The following ASNS variants were observed in gnomAD, a reference collection of about 807,000 sequenced individuals.
ASNS encodes asparagine synthetase (glutamine-hydrolyzing), also known as asparagine synthetase [glutamine-hydrolyzing].
Under a neutral mutation model 62.6 loss-of-function variants are expected in ASNS, and 37 were observed. That is an observed-to-expected ratio of 0.59 (90% CI 0.45 to 0.78). The LOEUF is 0.78. Among genes scored for constraint, ASNS ranks in the 30% least tolerant of loss-of-function variants. The pLI is 0.00. For synonymous variants in ASNS, 207 were observed against 237.9 expected, an observed-to-expected ratio of 0.87 and a Z score of 1.19; for missense variants, 520 against 682.4, an observed-to-expected ratio of 0.76 and a Z score of 2.65.
the ASNS span, among the ~76,000 whole-genome samples, chr7:97,909,357 G>A: frequency 1.8e-3 from 219 of 121,264 alleles, no homozygotes; most frequent in Middle Eastern, 0.017. Flanking sequence ...AGGCTGGAAT[G>A]CTGTGCAGTG....
the ASNS span, among the ~76,000 whole-genome samples, chr7:97,897,114 C>T: frequency 3.3e-5 from 5 of 152,040 alleles, no homozygotes; most frequent in South Asian, 2.1e-4. Context: ...AAGATTGTAT[C>T]GCTAACACTT....
the ASNS span, among the ~76,000 whole-genome samples, chr7:97,894,954 T>C: frequency 8.6e-4 from 131 of 151,890 alleles, 4 homozygotes; most frequent in East Asian, 0.023. Context: ...CTAATGAACA[T>C]AGATGGTAAA....
chr7:97,872,554 C>T (rs190517851), upstream of ASNS: 1,039 of 152,482 alleles, frequency 6.8e-3, 5 homozygotes, highest in South Asian at 0.013. Flanking sequence ...AGTGGGGCGG[C>T]GGAAGGGCGC....
At chr7:97,897,787 A>G in the ASNS span, among the ~76,000 whole-genome samples, 134 of 152,374 alleles carry the variant, frequency 8.8e-4, 1 homozygote, top group East Asian at 0.022. Context: ...CAGTGTATCA[A>G]CGGGATATCT....
intron 12 of ASNS, 112 bp downstream of exon 12, chr7:97,852,948 T>G: frequency 9.7e-7 from 1 of 1,029,566 alleles, no homozygotes; most frequent in South Asian, 1.9e-5. Flanking sequence ...TAAATACATG[T>G]ATCATTCAAA....
At chr7:97,925,248 A>G in the ASNS span, among the ~76,000 whole-genome samples, 1 of 152,172 alleles carries the variant, frequency 6.6e-6, no homozygotes, top group African/African-American at 2.4e-5. Flanking sequence ...ATTTATCTCC[A>G]TTTTATAGAT....
chr7:97,900,125 C>G, the ASNS span, among the ~76,000 whole-genome samples: 1 of 152,018 alleles, frequency 6.6e-6, no homozygotes, highest in Non-Finnish European at 1.5e-5. Context: ...TTTGGGAGAC[C>G]GAGGCAGGTG....
the ASNS span, among the ~76,000 whole-genome samples, chr7:97,883,220 A>AT: frequency 1.3e-5 from 2 of 151,952 alleles, no homozygotes; most frequent in African/African-American, 4.8e-5. Context: ...AGGGCAAAAA[A>AT]AAAATTCATA....
the ASNS span, among the ~76,000 whole-genome samples, chr7:97,913,292 C>T: frequency 6.6e-6 from 1 of 152,218 alleles, no homozygotes; most frequent in Non-Finnish European, 1.5e-5. Context: ...CACCTCCTGT[C>T]TGGGATCTCC....
the ASNS span, among the ~76,000 whole-genome samples, chr7:97,913,837 T>C: frequency 2.3e-4 from 34 of 151,050 alleles, no homozygotes; most frequent in African/African-American, 2.9e-4. Flanking sequence ...GGTGGATAGA[T>C]TGGTGGATGG....
intron 1 of ASNS, among the ~76,000 whole-genome samples, chr7:97,871,274 T>G (rs180823309): frequency 9.3e-4 from 141 of 152,330 alleles, no homozygotes; most frequent in African/African-American, 3.2e-3. Context: ...CAGTTAGGAC[T>G]AGCCAGCACT....
chr7:97,873,568 T>C (rs566995767), upstream of ASNS, among the ~76,000 whole-genome samples: 121 of 152,372 alleles, frequency 7.9e-4, no homozygotes, highest in Non-Finnish European at 1.4e-3. Flanking sequence ...TGTATCCTAA[T>C]TGACGTACTT....
the ASNS span, among the ~76,000 whole-genome samples, chr7:97,915,581 C>A: frequency 1.3e-5 from 2 of 151,810 alleles, no homozygotes; most frequent in East Asian, 1.9e-4. Flanking sequence ...CAGAGAGGCA[C>A]CTGGTGTCAT....
the ASNS span, among the ~76,000 whole-genome samples, chr7:97,922,271 T>C: frequency 6.6e-6 from 1 of 151,148 alleles, no homozygotes; most frequent in Admixed American, 6.6e-5. Context: ...GAGGCCGAGG[T>C]GGGAGGATTG....
chr7:97,926,477 C>A, the ASNS span, among the ~76,000 whole-genome samples: 2 of 152,164 alleles, frequency 1.3e-5, no homozygotes, highest in Non-Finnish European at 2.9e-5. Flanking sequence ...AGGCTCTCCT[C>A]CTCAAAGAAA....
chr7:97,855,367 T>C lies in ASNS; in HGVS notation c.1123A>G (p.Ile375Val), dbSNP rs766097318. 2.7e-5 allele frequency: 43 copies of C among 1,611,258 alleles called. No individual in the cohort carries two copies. Among genetic ancestry groups the C allele is most frequent in the Middle Eastern group, 1.7e-4 (1 of 6,020 alleles). Residue 375 changes from isoleucine to valine, a missense_variant, in exon 9 of 13, where the codon ATA (isoleucine) becomes GTA (valine). Transcript: ENST00000394308. ...EGSDELTQGY[I>V]YFHKAPSPEK... Reference sequence around the variant, plus strand: ...AGAGTGGTTACCTTGTGAAAATATATGTAACCCTGCGTAAGTTCATCTGAT... The same window carrying C: ...AGAGTGGTTACCTTGTGAAAATATACGTAACCCTGCGTAAGTTCATCTGAT...
upstream of ASNS, among the ~76,000 whole-genome samples, chr7:97,876,023 A>C (rs1410098013): frequency 6.6e-6 from 1 of 151,974 alleles, no homozygotes; most frequent in Non-Finnish European, 1.5e-5. Context: ...CGCCTGGCTA[A>C]GTTTTGTATT....
chr7:97,869,205 AAAAAT>A, intron 2 of ASNS, 26 bp from the exon 3 acceptor site: 1 of 1,597,656 alleles, frequency 6.3e-7, no homozygotes, highest in South Asian at 1.1e-5. Flanking sequence ...CAGACAAATC[AAAAAT>A]ATTCAATATC....
At chr7:97,888,542 G>A in the ASNS span, among the ~76,000 whole-genome samples, 2 of 152,086 alleles carry the variant, frequency 1.3e-5, no homozygotes, top group Non-Finnish European at 2.9e-5. Flanking sequence ...CTACGACAGA[G>A]GTTATCTAGA....
Sources: gnomAD v4.1 joint callset for allele counts (sites outside exome capture counted in the v4.1 genomes callset) on GRCh38, gnomAD v4.1.1 for gene constraint, MANE v1.5 for transcripts, NCBI Gene and HGNC (gene_info 2026-07-23, HGNC 2026-07-21) for gene names.